The following ARB2A variants were observed in gnomAD, a reference collection of about 807,000 sequenced individuals.
The protein encoded by ARB2A is cotranscriptional regulator ARB2A.
At chr5:93,749,036 G>C in the ARB2A span, among the ~76,000 whole-genome samples, 1 of 151,406 alleles carries the variant, frequency 6.6e-6, no homozygotes, top group Non-Finnish European at 1.5e-5. Context: ...TTTAACATGA[G>C]AGTTTTTTTT....
the ARB2A span, among the ~76,000 whole-genome samples, chr5:93,699,546 G>GTGGAGAACAATCTCCCTGTTAAT: frequency 1.3e-5 from 2 of 152,018 alleles, no homozygotes; most frequent in South Asian, 4.2e-4. Context: ...GTTTCGATAA[G>GTGGAGAACAATCTCCCTGTTAAT]TGGAGAACAA....
At chr5:93,885,092 GAAT>G in the ARB2A span, among the ~76,000 whole-genome samples, 2 of 151,410 alleles carry the variant, frequency 1.3e-5, no homozygotes, top group African/African-American at 4.8e-5. Context: ...GTTTTAAATT[GAAT>G]AATATCAACT....
chr5:94,031,410 T>C, the ARB2A span, among the ~76,000 whole-genome samples: 1 of 152,194 alleles, frequency 6.6e-6, no homozygotes, highest in Non-Finnish European at 1.5e-5. Flanking sequence ...CTGGCTATAC[T>C]GTAGCCATGC....
the ARB2A span, among the ~76,000 whole-genome samples, chr5:93,795,823 C>T: frequency 6.9e-6 from 1 of 144,530 alleles, no homozygotes; most frequent in African/African-American, 2.6e-5. Flanking sequence ...AATGTGAGGT[C>T]TGCTTTCAGA....
the ARB2A span, among the ~76,000 whole-genome samples, chr5:93,975,866 G>C: frequency 2.0e-5 from 3 of 152,034 alleles, no homozygotes; most frequent in African/African-American, 4.8e-5. Context: ...CAAAGAGCTA[G>C]TACCAATCCC....
At chr5:93,842,938 C>T in the ARB2A span, among the ~76,000 whole-genome samples, 2 of 152,168 alleles carry the variant, frequency 1.3e-5, no homozygotes, top group African/African-American at 4.8e-5. Flanking sequence ...ATGTAGTTAC[C>T]TATCCCAGTT....
At chr5:93,852,727 C>T in the ARB2A span, among the ~76,000 whole-genome samples, 1 of 152,222 alleles carries the variant, frequency 6.6e-6, no homozygotes, top group South Asian at 2.1e-4. Context: ...TTCCCTATTG[C>T]TTGTTTTTCT....
chr5:93,808,148 T>C, the ARB2A span, among the ~76,000 whole-genome samples: 4 of 152,018 alleles, frequency 2.6e-5, no homozygotes, highest in African/African-American at 7.2e-5. Flanking sequence ...ACAGTAAATA[T>C]ATACTGATGA....
the ARB2A span, among the ~76,000 whole-genome samples, chr5:93,875,439 C>G: frequency 2.0e-5 from 3 of 152,066 alleles, no homozygotes; most frequent in Non-Finnish European, 4.4e-5. Flanking sequence ...ACCATGTTGG[C>G]CAGGCTGGTC....
chr5:93,912,867 T>C, the ARB2A span, among the ~76,000 whole-genome samples: 1 of 151,750 alleles, frequency 6.6e-6, no homozygotes, highest in African/African-American at 2.4e-5. Context: ...ACCTCTAAGA[T>C]CTTCTATGCA....
chr5:94,055,530 C>A, the ARB2A span: 1 of 563,110 alleles, frequency 1.8e-6, no homozygotes, highest in Non-Finnish European at 2.2e-6. Flanking sequence ...AAATTCAACT[C>A]ACATAAAAAT....
chr5:93,673,091 G>A, the ARB2A span, among the ~76,000 whole-genome samples: 1 of 152,114 alleles, frequency 6.6e-6, no homozygotes, highest in East Asian at 1.9e-4. Context: ...GAAGTTAATA[G>A]AATCTATTTT....
the ARB2A span, among the ~76,000 whole-genome samples, chr5:93,940,310 T>A: frequency 6.6e-6 from 1 of 152,032 alleles, no homozygotes; most frequent in African/African-American, 2.4e-5. Flanking sequence ...CAAATTTTAG[T>A]CATGATTTGT....
the ARB2A span, among the ~76,000 whole-genome samples, chr5:93,799,917 A>G: frequency 5.3e-5 from 8 of 152,228 alleles, no homozygotes; most frequent in African/African-American, 1.7e-4. Flanking sequence ...CCCGAACTGT[A>G]TATTATCTTG....
the ARB2A span, among the ~76,000 whole-genome samples, chr5:93,907,416 C>T: frequency 6.6e-6 from 1 of 151,404 alleles, no homozygotes; most frequent in Non-Finnish European, 1.5e-5. Flanking sequence ...AGTGTTTATA[C>T]TCAGAGCACC....
At chr5:94,077,590 CAG>C in the ARB2A span, among the ~76,000 whole-genome samples, 199 of 152,152 alleles carry the variant, frequency 1.3e-3, 1 homozygote, top group African/African-American at 4.7e-3. Flanking sequence ...AATAAAAATT[CAG>C]AGTTATAACC....
At chr5:93,898,114 A>G in the ARB2A span, among the ~76,000 whole-genome samples, 1 of 152,026 alleles carries the variant, frequency 6.6e-6, no homozygotes, top group Non-Finnish European at 1.5e-5. Context: ...AATTTTAAGG[A>G]TTCTCATCAT....
the ARB2A span, among the ~76,000 whole-genome samples, chr5:93,960,085 C>T: frequency 4.2e-5 from 6 of 141,692 alleles, no homozygotes; most frequent in South Asian, 9.1e-4. Context: ...CTAGATGCCC[C>T]CCCCCCCCCC....
At chr5:93,811,160 GA>G in the ARB2A span, among the ~76,000 whole-genome samples, 1 of 152,050 alleles carries the variant, frequency 6.6e-6, no homozygotes, top group South Asian at 2.1e-4. Flanking sequence ...GTTGGTATTA[GA>G]AGACCGCTGT....
Sources: allele counts gnomAD v4.1 joint callset (sites outside exome capture counted in the v4.1 genomes callset), GRCh38; gene constraint gnomAD v4.1.1; transcripts MANE v1.5; gene names NCBI Gene and HGNC (gene_info 2026-07-23, HGNC 2026-07-21).